RASEF: variants seen among roughly 807,000 people sequenced by gnomAD.
The protein encoded by RASEF is RAS and EF-hand domain containing.
In RASEF, 68 loss-of-function variants were observed where a neutral mutation model predicts 90.1. The ratio of observed to expected loss-of-function variants is 0.75; its 90% CI spans 0.62 to 0.92. The LOEUF (loss-of-function observed/expected upper bound fraction) is 0.92. Among genes scored for constraint, RASEF ranks in the 40% least tolerant of loss-of-function variants. The probability of loss-of-function intolerance (pLI) is 0.00; values close to 1 mark genes in which losing one functional copy is unlikely to be tolerated. For synonymous variants in RASEF, 331 were observed against 345.2 expected, an observed-to-expected ratio of 0.96 and a Z score of 0.46; for missense variants, 949 against 937.2, an observed-to-expected ratio of 1.01 and a Z score of -0.16.
intron 1 of RASEF, among the ~76,000 whole-genome samples, chr9:83,052,755 G>A (rs1453097671): frequency 0.011 from 736 of 68,402 alleles, 21 homozygotes; most frequent in African/African-American, 0.049. Flanking sequence ...CTTTGTTCTC[G>A]TTGGTTTCAA....
chr9:83,021,918 C>A (rs969039152), intron 3 of RASEF, among the ~76,000 whole-genome samples: 1 of 152,058 alleles, frequency 6.6e-6, no homozygotes, highest in African/African-American at 2.4e-5. Context: ...TAATTTCACT[C>A]TAATCTAGAT....
chr9:83,148,076 G>A, the RASEF span, among the ~76,000 whole-genome samples: 197 of 152,052 alleles, frequency 1.3e-3, 1 homozygote, highest in Non-Finnish European at 2.2e-3. Context: ...AGGAATGCCC[G>A]TTCCCATCTA....
At chr9:83,129,123 G>A in the RASEF span, among the ~76,000 whole-genome samples, 8 of 152,180 alleles carry the variant, frequency 5.3e-5, no homozygotes, top group African/African-American at 1.7e-4. Context: ...TAGTGCCTTT[G>A]GGGCCAAAAT....
intron 2 of RASEF, among the ~76,000 whole-genome samples, chr9:83,024,031 G>A (rs565323044): frequency 4.1e-4 from 62 of 152,154 alleles, no homozygotes; most frequent in Admixed American, 1.0e-3. Context: ...CCTTCTTCAG[G>A]TGCAGTGCAG....
At chr9:83,215,671 A>T in the RASEF span, among the ~76,000 whole-genome samples, 2 of 152,218 alleles carry the variant, frequency 1.3e-5, no homozygotes, top group African/African-American at 2.4e-5. Context: ...CAGTAAATTG[A>T]TACTGCAGAC....
At chr9:83,163,005 A>G in the RASEF span, among the ~76,000 whole-genome samples, 6 of 152,188 alleles carry the variant, frequency 3.9e-5, no homozygotes, top group Non-Finnish European at 5.9e-5. Flanking sequence ...ATGCCAGTGT[A>G]CTCTGTTCTT....
At chr9:83,049,698 G>A (rs1342257904) in intron 1 of RASEF, among the ~76,000 whole-genome samples, 5 of 38,254 alleles carry the variant, frequency 1.3e-4, no homozygotes, top group South Asian at 7.8e-4. Context: ...CCCCTCCCCC[G>A]ACCCCACCAC....
At chr9:83,014,475 AATTT>A (rs1219954685) in intron 4 of RASEF, among the ~76,000 whole-genome samples, 1 of 151,864 alleles carries the variant, frequency 6.6e-6, no homozygotes, top group Non-Finnish European at 1.5e-5. Flanking sequence ...TAATTTTTAA[AATTT>A]ATTTATTTAT....
chr9:83,103,686 A>G, the RASEF span, among the ~76,000 whole-genome samples: 1 of 152,202 alleles, frequency 6.6e-6, no homozygotes, highest in Non-Finnish European at 1.5e-5. Context: ...TTACTATTAT[A>G]TAAAAACCCA....
chr9:83,008,998 C>T (rs1253780100), intron 6 of RASEF, among the ~76,000 whole-genome samples: 4 of 140,786 alleles, frequency 2.8e-5, no homozygotes, highest in Non-Finnish European at 6.1e-5. Flanking sequence ...AACTCCTTAT[C>T]TAGTTCAGAG....
chr9:83,041,157 G>A (rs764480487), intron 1 of RASEF, among the ~76,000 whole-genome samples: 8 of 152,162 alleles, frequency 5.3e-5, no homozygotes, highest in African/African-American at 1.9e-4. Flanking sequence ...CACCGTGCCC[G>A]GTGCTCTGGC....
At chr9:83,045,327 G>A (rs912295409) in intron 1 of RASEF, among the ~76,000 whole-genome samples, 2 of 152,164 alleles carry the variant, frequency 1.3e-5, no homozygotes, top group Non-Finnish European at 2.9e-5. Context: ...ATGTATGCTA[G>A]GACTGATGAA....
chr9:83,123,474 C>T, the RASEF span, among the ~76,000 whole-genome samples: 4 of 152,260 alleles, frequency 2.6e-5, no homozygotes, highest in African/African-American at 9.6e-5. Flanking sequence ...GCCCATGCCT[C>T]ATATAGCACC....
chr9:83,145,484 G>A, the RASEF span, among the ~76,000 whole-genome samples: 1 of 151,804 alleles, frequency 6.6e-6, no homozygotes, highest in African/African-American at 2.4e-5. Flanking sequence ...GGCCCAGTAG[G>A]GCCCTAAAAT....
chr9:83,016,044 G>T, intron 3 of RASEF, 144 bp from the exon 4 acceptor site: 5 of 629,960 alleles, frequency 7.9e-6, no homozygotes, highest in Non-Finnish European at 1.4e-5. Flanking sequence ...ATATCAGAAG[G>T]AAACCAATTG....
At chr9:83,154,935 T>G in the RASEF span, among the ~76,000 whole-genome samples, 2 of 152,156 alleles carry the variant, frequency 1.3e-5, no homozygotes, top group East Asian at 3.9e-4. Flanking sequence ...TCTGTGTGGC[T>G]TGCCCCAAGA....
At chr9:83,041,096 G>A (rs1829831937) in intron 1 of RASEF, among the ~76,000 whole-genome samples, 2 of 152,122 alleles carry the variant, frequency 1.3e-5, no homozygotes, top group Non-Finnish European at 2.9e-5. Context: ...CCTGACCTCA[G>A]GTGATCCACC....
the RASEF span, among the ~76,000 whole-genome samples, chr9:83,125,010 A>G: frequency 2.6e-5 from 4 of 152,226 alleles, no homozygotes; most frequent in East Asian, 1.9e-4. Context: ...TGCCTGCTCA[A>G]TGATGTCACA....
chr9:83,073,523 G>A, the RASEF span, among the ~76,000 whole-genome samples: 1 of 152,098 alleles, frequency 6.6e-6, no homozygotes, highest in Non-Finnish European at 1.5e-5. Flanking sequence ...CACTTCCTTG[G>A]CATGCAATAT....
Sources: allele counts gnomAD v4.1 joint callset (sites outside exome capture counted in the v4.1 genomes callset), GRCh38; gene constraint gnomAD v4.1.1; transcripts MANE v1.5; gene names NCBI Gene and HGNC (gene_info 2026-07-23, HGNC 2026-07-21).